Variants in CDYL2 observed in about 807,000 individuals in gnomAD.
CDYL2 encodes chromodomain Y-like protein 2.
CDYL2 carries 23 observed loss-of-function variants against 49.4 expected under a neutral mutation model. The ratio of observed to expected loss-of-function variants is 0.47; its 90% CI spans 0.34 to 0.66. The LOEUF (loss-of-function observed/expected upper bound fraction) is 0.66. CDYL2 is among the 30% of genes least tolerant of loss of function. The pLI, the probability that CDYL2 is intolerant of heterozygous loss-of-function variation, is 0.01. For missense variants in CDYL2, 678 were observed against 656.4 expected (o/e 1.03, Z -0.36); for synonymous variants, 360 against 268.8 (o/e 1.34, Z -3.32).
intron 2 of CDYL2, 61 bp downstream of exon 2, chr16:80,684,477 A>C: frequency 6.7e-7 from 1 of 1,503,002 alleles, no homozygotes; most frequent in Non-Finnish European, 9.1e-7. Flanking sequence ...CCTAGGCTAC[A>C]GGCAGAGCTC....
intron 6 of CDYL2, among the ~76,000 whole-genome samples, chr16:80,605,391 G>A (rs1336373688): frequency 2.0e-5 from 3 of 147,506 alleles, no homozygotes; most frequent in African/African-American, 7.4e-5. Flanking sequence ...TTATGTATAT[G>A]TATTATATAT....
At chr16:80,634,677 A>T (rs1027063232) in intron 2 of CDYL2, among the ~76,000 whole-genome samples, 7 of 152,166 alleles carry the variant, frequency 4.6e-5, no homozygotes, top group Admixed American at 1.3e-4. Flanking sequence ...ATAATAAAGA[A>T]ATACTAAGAA....
chr16:80,724,996 A>C (rs1369169041), intron 1 of CDYL2, among the ~76,000 whole-genome samples: 1 of 152,198 alleles, frequency 6.6e-6, no homozygotes, highest in African/African-American at 2.4e-5. Context: ...TGAGCAGTCT[A>C]CTGAGTTAAG....
At chr16:80,652,836 C>T (rs1908642784) in intron 2 of CDYL2, among the ~76,000 whole-genome samples, 1 of 152,178 alleles carries the variant, frequency 6.6e-6, no homozygotes, top group Non-Finnish European at 1.5e-5. Flanking sequence ...GAGGGACATT[C>T]TACAAAATAC....
intron 1 of CDYL2, among the ~76,000 whole-genome samples, chr16:80,723,145 A>ATGTG (rs1170745262): frequency 6.6e-6 from 1 of 152,116 alleles, no homozygotes; most frequent in Non-Finnish European, 1.5e-5. Flanking sequence ...GTGCACTTAG[A>ATGTG]TGTGTGGTCT....
chr16:80,723,312 C>A (rs1459245676), intron 1 of CDYL2, among the ~76,000 whole-genome samples: 1 of 152,336 alleles, frequency 6.6e-6, no homozygotes, highest in African/African-American at 2.4e-5. Context: ...ATTAAGTAAA[C>A]CCTAGCTTGG....
intron 1 of CDYL2, among the ~76,000 whole-genome samples, chr16:80,775,199 C>T (rs1477874200): frequency 6.6e-6 from 1 of 150,866 alleles, no homozygotes; most frequent in African/African-American, 2.4e-5. Flanking sequence ...AAAAAGAAAA[C>T]AATGGAATAT....
chr16:80,686,978 C>T (rs980543945), intron 1 of CDYL2, among the ~76,000 whole-genome samples: 1 of 152,172 alleles, frequency 6.6e-6, no homozygotes, highest in Admixed American at 6.5e-5. Context: ...AAAATCATGC[C>T]TAACTAATCC....
chr16:80,745,815 G>C (rs1905909224), intron 1 of CDYL2, among the ~76,000 whole-genome samples: 1 of 152,132 alleles, frequency 6.6e-6, no homozygotes, highest in Admixed American at 6.5e-5. Flanking sequence ...CAGCTTGGAA[G>C]GGTTTCTCCA....
At chr16:80,767,232 A>G (rs1156896213) in intron 1 of CDYL2, among the ~76,000 whole-genome samples, 1 of 152,194 alleles carries the variant, frequency 6.6e-6, no homozygotes, top group Non-Finnish European at 1.5e-5. Flanking sequence ...TTCTCCAATT[A>G]CCAAACCACA....
intron 1 of CDYL2, chr16:80,736,329 C>T (rs1239356384): frequency 6.6e-6 from 1 of 152,376 alleles, no homozygotes; most frequent in East Asian, 1.9e-4. Flanking sequence ...ACACAAGTGA[C>T]TCCTTGCGTG....
At chr16:80,620,691 C>T (rs979996100) in intron 4 of CDYL2, 72 bp downstream of exon 4, 7 of 1,370,854 alleles carry the variant, frequency 5.1e-6, no homozygotes, top group Non-Finnish European at 6.8e-6. Context: ...TCGAATTTAA[C>T]TGAGCAGCCT....
chr16:80,675,143 C>T (rs957374044), intron 2 of CDYL2, among the ~76,000 whole-genome samples: 4 of 152,218 alleles, frequency 2.6e-5, no homozygotes, highest in African/African-American at 9.6e-5. Context: ...TTGGCCAGAA[C>T]AATGCCCTTG....
chr16:80,784,142 T>C (rs1907358647), intron 1 of CDYL2, among the ~76,000 whole-genome samples: 1 of 152,236 alleles, frequency 6.6e-6, no homozygotes, highest in African/African-American at 2.4e-5. Flanking sequence ...ACACCTATCC[T>C]GCTATTTTTC....
chr16:80,607,788 G>C (rs763287106), intron 6 of CDYL2, among the ~76,000 whole-genome samples: 8 of 152,176 alleles, frequency 5.3e-5, no homozygotes, highest in Non-Finnish European at 1.2e-4. Context: ...GAAAGCTATA[G>C]ATGTTTTGCG....
chr16:80,617,590 C>A (rs959664200), intron 4 of CDYL2, among the ~76,000 whole-genome samples: 18 of 152,308 alleles, frequency 1.2e-4, no homozygotes, highest in African/African-American at 4.1e-4. Context: ...CAAGGCAGCA[C>A]TCCCGAGTTG....
In CDYL2 at chr16:80,693,074, C is replaced by T. The variant is rs1326819891; in HGVS notation, c.25-7945G>A. On this transcript the variant is annotated intron_variant, in intron 1 of 6. Coordinates refer to ENST00000570137, the MANE Select transcript of CDYL2 (RefSeq NM_152342.4). ...GGGCCAGACTCAGAAGACTACATGC[C>T]AGGCAAACTCATCTATAGTGATCGA... Among the ~76,000 whole-genome samples the T allele has an allele frequency of 3.7e-5, 5 of 135,980 alleles. 1 individual carries two copies. The highest frequency in any genetic ancestry group is 1.4e-4 in the African/African-American group (5 of 35,442). The allele number at this position is 135,980 out of a possible 152,430, so 89.2% of individuals were successfully genotyped here.
intron 1 of CDYL2, among the ~76,000 whole-genome samples, chr16:80,702,610 T>C (rs575598292): frequency 2.0e-5 from 3 of 151,912 alleles, no homozygotes; most frequent in Non-Finnish European, 4.4e-5. Context: ...ATTAGCTGGG[T>C]GTGGTGGCTC....
intron 1 of CDYL2, among the ~76,000 whole-genome samples, chr16:80,748,169 T>C (rs1234633635): frequency 7.5e-6 from 1 of 134,174 alleles, no homozygotes; most frequent in Non-Finnish European, 1.6e-5. Flanking sequence ...AATAATAATA[T>C]AAAGAAAAGA....
Sources: gnomAD v4.1 joint callset for allele counts (sites outside exome capture counted in the v4.1 genomes callset) on GRCh38, gnomAD v4.1.1 for gene constraint, MANE v1.5 for transcripts, NCBI Gene and HGNC (gene_info 2026-07-23, HGNC 2026-07-21) for gene names.